The following CSNK1G1 variants were observed in gnomAD, a reference collection of about 807,000 sequenced individuals.
CSNK1G1 encodes the protein casein kinase 1 gamma 1.
Under a neutral mutation model 59.6 loss-of-function variants are expected in CSNK1G1, and 22 were observed. The ratio of observed to expected loss-of-function variants is 0.37; its 90% CI spans 0.26 to 0.53. CSNK1G1 has a LOEUF of 0.53. Ranked by LOEUF, CSNK1G1 falls within the 20% of genes least tolerant of loss-of-function variation. The probability of loss-of-function intolerance (pLI) is 0.89; values close to 1 mark genes in which losing one functional copy is unlikely to be tolerated. For missense variants in CSNK1G1, 384 were observed against 519.5 expected (o/e 0.74, Z 2.54); for synonymous variants, 179 against 177.1 (o/e 1.01, Z -0.08).
chr15:64,326,811 G>A (rs1406915002), intron 1 of CSNK1G1, among the ~76,000 whole-genome samples: 11 of 150,796 alleles, frequency 7.3e-5, no homozygotes, highest in Non-Finnish European at 1.3e-4. Flanking sequence ...AGGCCAGTGG[G>A]TGCGCGCACC....
At chr15:64,251,437 C>G in intron 4 of CSNK1G1, 75 bp downstream of exon 4, 1 of 1,107,454 alleles carries the variant, frequency 9.0e-7, no homozygotes, top group South Asian at 1.4e-5. Flanking sequence ...GCAAACCAGA[C>G]AAAAAAATTT....
intron 4 of CSNK1G1, among the ~76,000 whole-genome samples, chr15:64,237,584 T>G (rs1566913862): frequency 6.6e-6 from 1 of 152,244 alleles, no homozygotes; most frequent in Non-Finnish European, 1.5e-5. Flanking sequence ...TTCTAGTATA[T>G]CTTCAGAAGT....
intron 10 of CSNK1G1, among the ~76,000 whole-genome samples, chr15:64,193,449 G>T (rs1035620194): frequency 6.9e-6 from 1 of 144,492 alleles, no homozygotes. Context: ...CCGAGATCGC[G>T]CCACTGCACT....
At chr15:64,182,356 A>C (rs2081830715) in intron 10 of CSNK1G1, among the ~76,000 whole-genome samples, 1 of 152,166 alleles carries the variant, frequency 6.6e-6, no homozygotes, top group Non-Finnish European at 1.5e-5. Flanking sequence ...TACAGGCACG[A>C]GCCACTGTGC....
At position 64,251,723 on chromosome 15, in the gene CSNK1G1, T is replaced by C. The variant is rs181346243; in HGVS notation, c.223-142A>G. On this transcript the variant is annotated intron_variant, in intron 3 of 11. Coordinates refer to ENST00000303052, the MANE Select transcript of CSNK1G1 (RefSeq NM_022048.5). ...ATATAAGAGCCTTTTCTAACCACAA[T>C]TGGTCTTGGACAGTATAGCTAAGAG... is the stretch of plus-strand genomic sequence containing the variant. The C allele has an allele frequency of 3.3e-3, 2,053 of 615,410 alleles. 6 individuals are homozygous for C. The highest frequency in any genetic ancestry group is 3.2e-3 in the Non-Finnish European group (1,097 of 346,822). 38.1% of individuals were successfully genotyped at this position (615,410 alleles called of 1,614,324 possible). A position where few individuals can be genotyped will look rare whatever the true frequency, so the allele number is the denominator to read the frequency against.
intron 3 of CSNK1G1, among the ~76,000 whole-genome samples, chr15:64,255,371 C>T (rs1566921606): frequency 6.6e-6 from 1 of 152,064 alleles, no homozygotes; most frequent in South Asian, 2.1e-4. Flanking sequence ...CACCACACCC[C>T]GCCTATTTGT....
In CSNK1G1 at chr15:64,167,163, G is replaced by C. The variant is rs936378708; in HGVS notation, c.*4768C>G. 7.2e-5 allele frequency: 11 copies of C among 152,184 alleles called. No homozygotes were observed. Among genetic ancestry groups the C allele is most frequent in the African/African-American group, 2.4e-4 (10 of 41,428 alleles). The allele number at this position is 152,184 out of a possible 1,614,324, so 9.4% of individuals were successfully genotyped here. A position where few individuals can be genotyped will look rare whatever the true frequency, so the allele number is the denominator to read the frequency against. On this transcript the variant is annotated 3_prime_UTR_variant, in exon 12 of 12. Transcript: ENST00000303052. ...ACTTAGTCACCTGCAAAAGGAGTTA[G>C]GAAAAACATTTTTAAGACTGCTTGC...
intron 3 of CSNK1G1, among the ~76,000 whole-genome samples, chr15:64,255,964 C>G (rs1356548197): frequency 6.6e-6 from 1 of 152,142 alleles, no homozygotes; most frequent in Non-Finnish European, 1.5e-5. Flanking sequence ...TCAAGACTTT[C>G]AGTAAAAAGA....
intron 1 of CSNK1G1, among the ~76,000 whole-genome samples, chr15:64,326,230 T>C (rs1253079061): frequency 6.6e-6 from 1 of 152,186 alleles, no homozygotes; most frequent in Non-Finnish European, 1.5e-5. Flanking sequence ...TTTGCCATGT[T>C]GCTCAGGCCA....
chr15:64,290,663 G>A (rs998596695), intron 2 of CSNK1G1, among the ~76,000 whole-genome samples: 3 of 152,098 alleles, frequency 2.0e-5, no homozygotes, highest in South Asian at 2.1e-4. Flanking sequence ...AAAAAACCCA[G>A]ACTTCACCAT....
At chr15:64,256,949 G>A (rs1339919855) in intron 3 of CSNK1G1, among the ~76,000 whole-genome samples, 1 of 151,988 alleles carries the variant, frequency 6.6e-6, no homozygotes, top group East Asian at 1.9e-4. Flanking sequence ...ACAGCAGACA[G>A]CTACCTTATA....
chr15:64,280,576 G>A (rs1716175106), intron 2 of CSNK1G1, among the ~76,000 whole-genome samples: 1 of 152,038 alleles, frequency 6.6e-6, no homozygotes, highest in Non-Finnish European at 1.5e-5. Context: ...TAGCCAGGAT[G>A]GTCTCAATCT....
chr15:64,214,586 T>C lies in CSNK1G1; in HGVS notation c.445-462A>G, dbSNP rs1282698111. On this transcript the variant is annotated intron_variant, in intron 5 of 11. Transcript: ENST00000303052. This position sits in a 1 kb window ranked among gnomAD's most constrained non-coding sequence, Gnocchi z 4.3. ...AGACTACCCAACCCAGTTTTCGATG[T>C]TGTGAGGCCCAGAGAAGTTAATACT... 6.6e-6 allele frequency among the ~76,000 whole-genome samples: 1 copy of C among 152,204 alleles called. No homozygotes were observed. Among genetic ancestry groups the C allele is most frequent in the Non-Finnish European group, 1.5e-5 (1 of 68,034 alleles).
At chr15:64,196,521 G>A (rs558959980) in intron 10 of CSNK1G1, among the ~76,000 whole-genome samples, 50 of 151,384 alleles carry the variant, frequency 3.3e-4, no homozygotes, top group Non-Finnish European at 5.6e-4. Flanking sequence ...GCACGATCTC[G>A]GCTCACCACA....
chr15:64,353,212 G>T (rs1338123319), intron 1 of CSNK1G1, among the ~76,000 whole-genome samples: 1 of 152,158 alleles, frequency 6.6e-6, no homozygotes, highest in Admixed American at 6.5e-5. Flanking sequence ...GAAGTTATTT[G>T]ATTTTTGTCC....
chr15:64,337,243 A>G (rs942154686), intron 1 of CSNK1G1, among the ~76,000 whole-genome samples: 1 of 152,168 alleles, frequency 6.6e-6, no homozygotes, highest in African/African-American at 2.4e-5. Flanking sequence ...AAACAAAACA[A>G]AAAAACAAAA....
intron 2 of CSNK1G1, among the ~76,000 whole-genome samples, chr15:64,262,903 A>C (rs1596180310): frequency 1.3e-5 from 2 of 151,518 alleles, no homozygotes; most frequent in South Asian, 4.2e-4. Flanking sequence ...ACATGGAGAA[A>C]CCCCCGTCTC....
chr15:64,194,717 T>C (rs1378917520), intron 10 of CSNK1G1, among the ~76,000 whole-genome samples: 1 of 152,090 alleles, frequency 6.6e-6, no homozygotes, highest in Non-Finnish European at 1.5e-5. Context: ...GGTTTCACCA[T>C]GTTGGTCAGG....
chr15:64,265,971 C>T (rs543328162), intron 2 of CSNK1G1: 3 of 348,070 alleles, frequency 8.6e-6, no homozygotes, highest in South Asian at 6.9e-5. Flanking sequence ...ATAATCCTAG[C>T]TAGTAGGTAG....
Sources: allele counts gnomAD v4.1 joint callset (sites outside exome capture counted in the v4.1 genomes callset), GRCh38; gene constraint gnomAD v4.1.1; non-coding constraint Gnocchi (gnomAD v3.1); transcripts MANE v1.5; gene names NCBI Gene and HGNC (gene_info 2026-07-23, HGNC 2026-07-21).